PPP1R9A: variants seen among roughly 807,000 people sequenced by gnomAD.
The protein encoded by PPP1R9A is protein phosphatase 1 regulatory subunit 9A, also known as neurabin-1.
Under a neutral mutation model 141.9 loss-of-function variants are expected in PPP1R9A, and 59 were observed. The observed-to-expected ratio is 0.42, with a 90% CI of 0.34 to 0.52. The LOEUF (loss-of-function observed/expected upper bound fraction) is 0.52. PPP1R9A is among the 20% of genes least tolerant of loss of function. The probability of loss-of-function intolerance (pLI) is 0.10; values close to 1 mark genes in which losing one functional copy is unlikely to be tolerated. For missense variants in PPP1R9A, 1,444 were observed against 1,611.9 expected (o/e 0.90, Z 1.78); for synonymous variants, 500 against 569.7 (o/e 0.88, Z 1.74).
intron 2 of PPP1R9A, among the ~76,000 whole-genome samples, chr7:95,035,292 A>G (rs541210522): frequency 1.3e-5 from 2 of 152,328 alleles, no homozygotes; most frequent in East Asian, 1.9e-4. Context: ...CATATAATGC[A>G]TGAATGTAGT....
At chr7:95,030,685 C>T (rs1388528149) in intron 2 of PPP1R9A, among the ~76,000 whole-genome samples, 1 of 152,032 alleles carries the variant, frequency 6.6e-6, no homozygotes. Context: ...CAGGGAGCAA[C>T]GTTGCCTACC....
chr7:95,241,775 A>G (rs1046287491), intron 8 of PPP1R9A, among the ~76,000 whole-genome samples: 1 of 152,176 alleles, frequency 6.6e-6, no homozygotes, highest in Admixed American at 6.6e-5. Context: ...TATAAAATGC[A>G]TGGGATAATA....
intron 2 of PPP1R9A, among the ~76,000 whole-genome samples, chr7:95,038,783 G>T (rs930252116): frequency 6.6e-6 from 1 of 152,120 alleles, no homozygotes; most frequent in Non-Finnish European, 1.5e-5. Context: ...GCTACTCCTT[G>T]CCCCCATTTC....
intron 2 of PPP1R9A, 98 bp downstream of exon 2, chr7:94,911,606 A>T: frequency 1.1e-6 from 1 of 911,884 alleles, no homozygotes; most frequent in East Asian, 2.6e-5. Flanking sequence ...GAGTTTTTGT[A>T]AGGGATTCAA....
At chr7:95,110,459 G>T (rs902230654) in intron 2 of PPP1R9A, among the ~76,000 whole-genome samples, 4 of 151,950 alleles carry the variant, frequency 2.6e-5, no homozygotes, top group Non-Finnish European at 5.9e-5. Context: ...ATATTAATTG[G>T]ACTTGATGAA....
chr7:95,185,378 A>ATTTTTTTTTTT (rs147366122), intron 5 of PPP1R9A, among the ~76,000 whole-genome samples: 1 of 148,888 alleles, frequency 6.7e-6, no homozygotes, highest in African/African-American at 2.5e-5. Flanking sequence ...TTTTTATGGG[A>ATTTTTTTTTTT]TTTTTTTTTT....
chr7:95,084,855 A>AT (rs1488061357), intron 2 of PPP1R9A, among the ~76,000 whole-genome samples: 1 of 152,020 alleles, frequency 6.6e-6, no homozygotes, highest in Non-Finnish European at 1.5e-5. Context: ...ATTCATCACC[A>AT]TCGCAAACCA....
intron 2 of PPP1R9A, among the ~76,000 whole-genome samples, chr7:95,010,722 A>G (rs1400277018): frequency 2.0e-5 from 3 of 152,060 alleles, no homozygotes; most frequent in Non-Finnish European, 4.4e-5. Flanking sequence ...CCCAAAATAT[A>G]TAATCAAAAT....
At chr7:95,163,424 G>T (rs1830716652) in intron 5 of PPP1R9A, among the ~76,000 whole-genome samples, 3 of 152,174 alleles carry the variant, frequency 2.0e-5, no homozygotes. Flanking sequence ...CATGGAAAAA[G>T]AAATTGACCT....
At chr7:95,245,070 G>A (rs562538074) in intron 8 of PPP1R9A, among the ~76,000 whole-genome samples, 1 of 152,282 alleles carries the variant, frequency 6.6e-6, no homozygotes, top group South Asian at 2.1e-4. Context: ...TGTCAATAGC[G>A]ATTGCAAATC....
intron 8 of PPP1R9A, among the ~76,000 whole-genome samples, chr7:95,237,397 T>C (rs985563335): frequency 3.3e-5 from 5 of 151,950 alleles, no homozygotes; most frequent in African/African-American, 9.7e-5. Context: ...GGTTTCGCCA[T>C]GTTGGCCAGG....
intron 4 of PPP1R9A, among the ~76,000 whole-genome samples, chr7:95,144,924 C>T (rs1827343074): frequency 6.6e-6 from 1 of 152,160 alleles, no homozygotes; most frequent in Admixed American, 6.5e-5. Flanking sequence ...CAAAAATCAG[C>T]TGTATTTTAC....
chr7:94,956,389 A>G (rs566127386), intron 2 of PPP1R9A, among the ~76,000 whole-genome samples: 10 of 152,110 alleles, frequency 6.6e-5, no homozygotes, highest in Non-Finnish European at 1.0e-4. Context: ...TGATTTCTTA[A>G]CTTTATTCAT....
chr7:94,926,194 A>C (rs1390614920), intron 2 of PPP1R9A, among the ~76,000 whole-genome samples: 2 of 152,212 alleles, frequency 1.3e-5, no homozygotes, highest in African/African-American at 2.4e-5. Flanking sequence ...GCAGTTACAA[A>C]TGAAAGCTGG....
intron 5 of PPP1R9A, among the ~76,000 whole-genome samples, chr7:95,170,617 T>C (rs1831960251): frequency 6.6e-6 from 1 of 151,470 alleles, no homozygotes; most frequent in Non-Finnish European, 1.5e-5. Flanking sequence ...AATTGGAATT[T>C]TATACTCAAG....
At chr7:94,953,866 C>G (rs368608456) in intron 2 of PPP1R9A, among the ~76,000 whole-genome samples, 1 of 152,024 alleles carries the variant, frequency 6.6e-6, no homozygotes, top group African/African-American at 2.4e-5. Flanking sequence ...TGGGCTGAGA[C>G]GATGGGGTTT....
chr7:95,070,701 A>G (rs1721887486), intron 2 of PPP1R9A, among the ~76,000 whole-genome samples: 2 of 150,632 alleles, frequency 1.3e-5, no homozygotes, highest in Admixed American at 6.6e-5. Flanking sequence ...TAAGTTCAGG[A>G]TCATAAGAAG....
intron 2 of PPP1R9A, among the ~76,000 whole-genome samples, chr7:94,979,410 T>C (rs1799829955): frequency 6.6e-6 from 1 of 152,256 alleles, no homozygotes; most frequent in Non-Finnish European, 1.5e-5. Flanking sequence ...TGGAGATCTC[T>C]CAATGGGATT....
intron 16 of PPP1R9A, 72 bp from the exon 17 acceptor site, chr7:95,283,944 CAG>C (rs1422503770): frequency 7.9e-7 from 1 of 1,265,176 alleles, no homozygotes; most frequent in Non-Finnish European, 1.1e-6. Flanking sequence ...AAACTATATT[CAG>C]AGTCCTTGGG....
Sources: allele counts gnomAD v4.1 joint callset (sites outside exome capture counted in the v4.1 genomes callset), GRCh38; gene constraint gnomAD v4.1.1; transcripts MANE v1.5; gene names NCBI Gene and HGNC (gene_info 2026-07-23, HGNC 2026-07-21).